The following NIPAL2 variants were observed in gnomAD, a reference collection of about 807,000 sequenced individuals.
The protein encoded by NIPAL2 is NIPA-like protein 2.
NIPAL2 carries 43 observed loss-of-function variants against 48.9 expected under a neutral mutation model. The observed-to-expected ratio is 0.88, with a 90% CI of 0.69 to 1.13. The LOEUF is 1.13. Ranked by LOEUF, NIPAL2 falls within the 50% of genes most tolerant of loss-of-function variation. The pLI, the probability that NIPAL2 is intolerant of heterozygous loss-of-function variation, is 0.00. For missense variants in NIPAL2, 446 were observed against 461.4 expected (o/e 0.97, Z 0.31); for synonymous variants, 167 against 174.6 (o/e 0.96, Z 0.34).
intron 5 of NIPAL2, among the ~76,000 whole-genome samples, 179 bp from the exon 6 acceptor site, chr8:98,212,680 G>A (rs759025339): frequency 1.3e-5 from 2 of 152,110 alleles, no homozygotes; most frequent in African/African-American, 2.4e-5. Flanking sequence ...GAGCTCGAAC[G>A]TCCCTCTCTG....
chr8:98,261,154 T>G (rs1378526666), intron 1 of NIPAL2, among the ~76,000 whole-genome samples: 1 of 150,678 alleles, frequency 6.6e-6, no homozygotes, highest in South Asian at 2.1e-4. Flanking sequence ...AGACCAAAAG[T>G]AGATAAAACC....
Position 98,193,038 on chromosome 8 carries a change from T to A in NIPAL2, c.1092A>T (p.Gly364=). Residue 364 remains glycine (G), a synonymous_variant, in exon 11 of 11, where the codon GGA becomes GGT. Transcript: ENST00000430223. ...TTGAGTCACTTCCATCAGGCAAAGT[T>A]CCATAGGATAAGCTATGTGAATCTG... ...IQPDSHSLSY[G]TLPDGSDSTK... is the part of the protein sequence containing the mutation. 1.2e-6 allele frequency: 2 copies of A among 1,614,158 alleles called. No homozygotes were observed. The highest frequency in any genetic ancestry group is 1.7e-6 in the Non-Finnish European group (2 of 1,180,016).
chr8:98,280,013 C>A (rs1265366478), intron 1 of NIPAL2, among the ~76,000 whole-genome samples: 3 of 152,174 alleles, frequency 2.0e-5, no homozygotes, highest in South Asian at 4.1e-4. Flanking sequence ...TTTGGAATAA[C>A]AATTTTCTAT....
At chr8:98,274,263 A>C (rs978604127) in intron 1 of NIPAL2, among the ~76,000 whole-genome samples, 1 of 151,902 alleles carries the variant, frequency 6.6e-6, no homozygotes, top group Non-Finnish European at 1.5e-5. Context: ...CTATCTATCT[A>C]TCTATCTCTC....
chr8:98,265,662 G>T (rs1814675792), intron 1 of NIPAL2, among the ~76,000 whole-genome samples: 1 of 140,092 alleles, frequency 7.1e-6, no homozygotes, highest in Non-Finnish European at 1.5e-5. Context: ...AGAGAAATAG[G>T]AACACTTTTA....
At chr8:98,248,975 G>A (rs555825033) in intron 3 of NIPAL2, among the ~76,000 whole-genome samples, 6 of 152,152 alleles carry the variant, frequency 3.9e-5, no homozygotes, top group Non-Finnish European at 8.8e-5. Flanking sequence ...GGTTATTTAG[G>A]CTGAGTCTCT....
chr8:98,251,572 A>G (rs770527284), intron 3 of NIPAL2: 2 of 152,236 alleles, frequency 1.3e-5, no homozygotes, highest in Non-Finnish European at 2.9e-5. Flanking sequence ...AGTATTTTAA[A>G]TAAAATATTT....
At chr8:98,225,004 G>A (rs763691688) in intron 4 of NIPAL2, among the ~76,000 whole-genome samples, 4 of 152,008 alleles carry the variant, frequency 2.6e-5, no homozygotes, top group African/African-American at 9.7e-5. Flanking sequence ...TGATCTGCCC[G>A]CCTCTGCCAC....
chr8:98,197,311 C>T lies in NIPAL2; in HGVS notation c.881-1306G>A, dbSNP rs2045804. 6.1e-3 allele frequency among the ~76,000 whole-genome samples: 926 copies of T among 152,238 alleles called. 26 individuals carry two copies. Among genetic ancestry groups the T allele is most frequent in the Admixed American group, 0.054 (824 of 15,296 alleles). On this transcript the variant is annotated intron_variant, in intron 8 of 10. Transcript: ENST00000430223. ...GCATTATGTCTAAAAAAAGTACATA[C>T]CTTAATTAAAATACTTTATTGCTAA...
chr8:98,230,181 T>C (rs111760526), intron 4 of NIPAL2, among the ~76,000 whole-genome samples: 1 of 152,200 alleles, frequency 6.6e-6, no homozygotes, highest in African/African-American at 2.4e-5. Flanking sequence ...GTCACTTACA[T>C]TGAAGTCTAT....
intron 1 of NIPAL2, among the ~76,000 whole-genome samples, chr8:98,266,811 G>A (rs895241285): frequency 1.3e-5 from 2 of 152,078 alleles, no homozygotes; most frequent in African/African-American, 4.8e-5. Context: ...AATACCATAA[G>A]GAGTTTGGAG....
At chr8:98,211,733 A>AGAGTGTGTGTGTGTGT (rs1554562908) in intron 6 of NIPAL2, among the ~76,000 whole-genome samples, 3 of 109,106 alleles carry the variant, frequency 2.7e-5, no homozygotes, top group African/African-American at 1.2e-4. Context: ...AGAGAGAGAA[A>AGAGTGTGTGTGTGTGT]GTGTGTGTGT....
intron 1 of NIPAL2, among the ~76,000 whole-genome samples, chr8:98,262,398 GAC>G (rs1426751389): frequency 1.3e-5 from 2 of 148,158 alleles, no homozygotes; most frequent in Non-Finnish European, 3.0e-5. Context: ...CACGTGCAGA[GAC>G]ACACATAGGC....
chr8:98,237,073 T>C (rs1812755541), intron 3 of NIPAL2, among the ~76,000 whole-genome samples: 2 of 152,002 alleles, frequency 1.3e-5, no homozygotes, highest in Non-Finnish European at 2.9e-5. Context: ...TTTTTTTCTT[T>C]TTTTTGAGAC....
chr8:98,253,714 A>C (rs1290661557), intron 2 of NIPAL2, among the ~76,000 whole-genome samples: 1 of 152,194 alleles, frequency 6.6e-6, no homozygotes, highest in Admixed American at 6.5e-5. Context: ...AAAGTACTGC[A>C]AATCAAACCA....
intron 3 of NIPAL2, among the ~76,000 whole-genome samples, chr8:98,242,488 A>ATTTTTTT (rs568464494): frequency 9.3e-5 from 11 of 117,780 alleles, no homozygotes; most frequent in African/African-American, 3.0e-4. Flanking sequence ...CACCTGACAG[A>ATTTTTTT]TTTTTTTTTT....
intron 1 of NIPAL2, among the ~76,000 whole-genome samples, chr8:98,279,533 T>G (rs928808089): frequency 2.2e-4 from 34 of 152,330 alleles, no homozygotes; most frequent in African/African-American, 7.9e-4. Flanking sequence ...TCCCTGTCCT[T>G]TCACTGGTCA....
At chr8:98,201,685 T>C (rs1036492944) in intron 8 of NIPAL2, among the ~76,000 whole-genome samples, 8 of 152,344 alleles carry the variant, frequency 5.3e-5, no homozygotes, top group African/African-American at 1.4e-4. Context: ...ATGTCTCTTT[T>C]TGGCCTATTT....
At chr8:98,248,320 T>C (rs191490868) in intron 3 of NIPAL2, among the ~76,000 whole-genome samples, 36 of 152,348 alleles carry the variant, frequency 2.4e-4, no homozygotes, top group African/African-American at 8.2e-4. Flanking sequence ...TTTGGAGGCA[T>C]GGAAGTATGC....
Sources: allele counts gnomAD v4.1 joint callset (sites outside exome capture counted in the v4.1 genomes callset), GRCh38; gene constraint gnomAD v4.1.1; transcripts MANE v1.5; gene names NCBI Gene and HGNC (gene_info 2026-07-23, HGNC 2026-07-21).